The following TPD52 variants were observed in gnomAD, a reference collection of about 807,000 sequenced individuals.
The protein encoded by TPD52 is prostate and colon associated protein.
Under a neutral mutation model 31.3 loss-of-function variants are expected in TPD52, and 17 were observed. The observed-to-expected ratio is 0.54, with a 90% CI of 0.37 to 0.82. The LOEUF is 0.82. Ranked by LOEUF, TPD52 falls within the 40% of genes least tolerant of loss-of-function variation. The probability of loss-of-function intolerance (pLI) is 0.00; values close to 1 mark genes in which losing one functional copy is unlikely to be tolerated. For missense variants in TPD52, 212 were observed against 240.1 expected, an observed-to-expected ratio of 0.88 and a Z score of 0.77; for synonymous variants, 83 against 89.6, an observed-to-expected ratio of 0.93 and a Z score of 0.42.
At chr8:80,146,990 A>C (rs1415561423) in intron 1 of TPD52, among the ~76,000 whole-genome samples, 3 of 152,180 alleles carry the variant, frequency 2.0e-5, no homozygotes, top group African/African-American at 7.2e-5. Context: ...CCGCAGACCT[A>C]CTGAACCAGA....
intron 1 of TPD52, among the ~76,000 whole-genome samples, chr8:80,122,021 A>AAC (rs1186993180): frequency 2.2e-5 from 2 of 91,630 alleles, no homozygotes; most frequent in African/African-American, 5.9e-5. Context: ...ACACCTTCAA[A>AAC]AGAAAAAAAA....
chr8:80,072,317 A>ATATGTGTGCGTGTGTGTG (rs1554582865), intron 1 of TPD52, among the ~76,000 whole-genome samples: 4 of 121,352 alleles, frequency 3.3e-5, no homozygotes, highest in African/African-American at 1.1e-4. Context: ...AAAAACATAT[A>ATATGTGTGCGTGTGTGTG]TGTGTGTGTG....
chr8:80,037,231 GA>G lies in TPD52; in HGVS notation c.*884del, dbSNP rs1809968140. The G allele has an allele frequency of 1.3e-5, 2 of 152,560 alleles. No individual in the cohort carries two copies. The highest frequency in any genetic ancestry group is 4.8e-5 in the African/African-American group (2 of 41,432). 9.5% of individuals were successfully genotyped at this position (152,560 alleles called of 1,614,324 possible). ...AAGACAACAATGGTTCCCCTAATGT[GA>G]TTGATATTGTCATTTTTACCAGCTT... On this transcript the variant is annotated 3_prime_UTR_variant, in exon 8 of 8. Transcript: ENST00000518937.
At chr8:80,094,455 T>C (rs1266522139) in intron 1 of TPD52, among the ~76,000 whole-genome samples, 21 of 74,304 alleles carry the variant, frequency 2.8e-4, no homozygotes, top group African/African-American at 1.0e-3. Context: ...TATATATATA[T>C]ATATATATAT....
At chr8:80,146,157 G>A (rs1254374439) in intron 1 of TPD52, among the ~76,000 whole-genome samples, 1 of 152,204 alleles carries the variant, frequency 6.6e-6, no homozygotes, top group Non-Finnish European at 1.5e-5. Context: ...GCTGTATTTG[G>A]CTATACATAC....
intron 2 of TPD52, among the ~76,000 whole-genome samples, chr8:80,056,187 A>G (rs958684807): frequency 6.6e-5 from 10 of 152,266 alleles, no homozygotes; most frequent in Admixed American, 2.0e-4. Flanking sequence ...ATTCTGCCAT[A>G]AAAAAGAATG....
At chr8:80,067,261 T>A (rs1813260537) in intron 1 of TPD52, 1 of 152,180 alleles carries the variant, frequency 6.6e-6, no homozygotes, top group Non-Finnish European at 1.5e-5. Flanking sequence ...GATTTTATAT[T>A]CAGCATCTAA....
intron 2 of TPD52, among the ~76,000 whole-genome samples, chr8:80,060,983 ATAAAT>A (rs1291955627): frequency 6.6e-6 from 1 of 152,234 alleles, no homozygotes; most frequent in African/African-American, 2.4e-5. Context: ...GACAAGAAAA[ATAAAT>A]TAAAGGCATT....
chr8:80,103,977 G>C (rs924467469), intron 1 of TPD52, among the ~76,000 whole-genome samples: 1 of 152,182 alleles, frequency 6.6e-6, no homozygotes, highest in African/African-American at 2.4e-5. Context: ...CCAAAAGCTA[G>C]GCAGTGAACC....
intron 1 of TPD52, among the ~76,000 whole-genome samples, chr8:80,166,116 G>A (rs149607518): frequency 0.051 from 7,793 of 152,192 alleles, 646 homozygotes; most frequent in African/African-American, 0.18. Flanking sequence ...CCAGGAGTTC[G>A]AGACCAGCCT....
chr8:80,051,850 A>G (rs1811419008), intron 3 of TPD52: 1 of 446,026 alleles, frequency 2.2e-6, no homozygotes, highest in Non-Finnish European at 3.9e-6. Context: ...GCCCTAGTCC[A>G]GCCAGAAAGA....
chr8:80,146,289 G>A (rs1249356792), intron 1 of TPD52, among the ~76,000 whole-genome samples: 1 of 152,216 alleles, frequency 6.6e-6, no homozygotes, highest in Non-Finnish European at 1.5e-5. Context: ...TTGTTGCTAA[G>A]GGCAATTCTT....
intron 2 of TPD52, among the ~76,000 whole-genome samples, chr8:80,061,385 C>CAA (rs71571559): frequency 8.0e-4 from 82 of 102,138 alleles, no homozygotes; most frequent in South Asian, 2.1e-3. Flanking sequence ...CCGCCCCCCC[C>CAA]AAAAAAAAAA....
chr8:80,035,132 A>G lies in TPD52; in HGVS notation c.*2984T>C, dbSNP rs778998001. 6 of 152,294 alleles carry G rather than the reference A, an allele frequency of 3.9e-5. No individual in the cohort carries two copies. The highest frequency in any genetic ancestry group is 7.3e-5 in the Non-Finnish European group (5 of 68,064). The allele number at this position is 152,294 out of a possible 1,614,324, so 9.4% of individuals were successfully genotyped here. A position where few individuals can be genotyped will look rare whatever the true frequency, so the allele number is the denominator to read the frequency against. On this transcript the variant is annotated 3_prime_UTR_variant, in exon 8 of 8. Coordinates refer to ENST00000518937, the MANE Select transcript of TPD52 (RefSeq NM_001025253.3). ...GAAAATAAGGACTAATCAATGGCCAAATGTTTCTTCACTATGGGCAAAAAT... is the reference window on the plus strand; with the variant it reads ...GAAAATAAGGACTAATCAATGGCCAGATGTTTCTTCACTATGGGCAAAAAT...
rs1423285883 is a variant in TPD52, at chr8:80,050,936, G to C, written c.387-465C>G. 2.0e-5 allele frequency among the ~76,000 whole-genome samples: 3 copies of C among 151,222 alleles called. No homozygotes were observed. In the South Asian group the frequency reaches 6.3e-4, roughly 32 times the overall value. ...TCCTAATCCACATGAGTGAAGGGGG[G>C]GCACAAAAGCACTGTGAAGTGGTTT... On this transcript the variant is annotated intron_variant, in intron 4 of 7. Coordinates refer to ENST00000518937, the MANE Select transcript of TPD52 (RefSeq NM_001025253.3).
At chr8:80,055,774 A>C (rs1811810108) in intron 2 of TPD52, among the ~76,000 whole-genome samples, 1 of 152,212 alleles carries the variant, frequency 6.6e-6, no homozygotes, top group Non-Finnish European at 1.5e-5. Context: ...TGGCCAACAA[A>C]TATATTAAAA....
At chr8:80,143,260 C>A (rs1353406533) in intron 1 of TPD52, among the ~76,000 whole-genome samples, 2 of 152,294 alleles carry the variant, frequency 1.3e-5, no homozygotes, top group South Asian at 4.2e-4. Context: ...TCTCTGGAGC[C>A]AGGCTTCGAG....
chr8:80,113,421 C>T (rs946783226), intron 1 of TPD52, among the ~76,000 whole-genome samples: 1 of 152,076 alleles, frequency 6.6e-6, no homozygotes, highest in Non-Finnish European at 1.5e-5. Context: ...ATCTACCAAC[C>T]CTACTACTAT....
intron 2 of TPD52, among the ~76,000 whole-genome samples, chr8:80,058,406 T>C (rs1812129891): frequency 6.6e-6 from 1 of 152,186 alleles, no homozygotes; most frequent in South Asian, 2.1e-4. Flanking sequence ...ACGCAGCAAT[T>C]TAAAATGAGG....
Sources: allele counts gnomAD v4.1 joint callset (sites outside exome capture counted in the v4.1 genomes callset), GRCh38; gene constraint gnomAD v4.1.1; transcripts MANE v1.5; gene names NCBI Gene and HGNC (gene_info 2026-07-23, HGNC 2026-07-21).